TBC1D19: variants seen among roughly 807,000 people sequenced by gnomAD.
The protein encoded by TBC1D19 is TBC1 domain family, member 19.
Under a neutral mutation model 89.0 loss-of-function variants are expected in TBC1D19, and 60 were observed. The observed-to-expected ratio is 0.67, with a 90% CI of 0.55 to 0.84. TBC1D19 has a LOEUF of 0.84. Among genes scored for constraint, TBC1D19 ranks in the 40% least tolerant of loss-of-function variants. TBC1D19 has a pLI of 0.00. For missense variants in TBC1D19, 500 were observed against 610.8 expected (o/e 0.82, Z 1.91); for synonymous variants, 189 against 199.7 (o/e 0.95, Z 0.45).
chr4:26,680,782 T>C (rs1449517770), intron 11 of TBC1D19, among the ~76,000 whole-genome samples: 1 of 152,214 alleles, frequency 6.6e-6, no homozygotes, highest in African/African-American at 2.4e-5. Flanking sequence ...GTCTTAACTT[T>C]AGTTCACCCT....
intron 1 of TBC1D19, among the ~76,000 whole-genome samples, chr4:26,598,893 G>C (rs980663571): frequency 4.6e-5 from 7 of 151,496 alleles, no homozygotes; most frequent in African/African-American, 1.5e-4. Flanking sequence ...GAAAGAAATA[G>C]AATAGAAAGA....
chr4:26,820,911 A>T, the TBC1D19 span, among the ~76,000 whole-genome samples: 3 of 152,350 alleles, frequency 2.0e-5, no homozygotes, highest in South Asian at 4.1e-4. Flanking sequence ...TTGTTTTCAC[A>T]GCTGTCTTCT....
the TBC1D19 span, among the ~76,000 whole-genome samples, chr4:26,841,320 A>G: frequency 6.7e-6 from 1 of 149,726 alleles, no homozygotes; most frequent in African/African-American, 2.5e-5. Flanking sequence ...TGGGAGGTAG[A>G]GGTTGCAGTG....
chr4:26,764,379 A>G, the TBC1D19 span, among the ~76,000 whole-genome samples: 1 of 152,018 alleles, frequency 6.6e-6, no homozygotes, highest in Non-Finnish European at 1.5e-5. Flanking sequence ...ATCCCATGGT[A>G]TGGAATTGGG....
the TBC1D19 span, among the ~76,000 whole-genome samples, chr4:26,829,524 T>C: frequency 6.6e-6 from 1 of 152,152 alleles, no homozygotes; most frequent in Admixed American, 6.5e-5. Flanking sequence ...TCTTCAGTCT[T>C]GGGTAGGTGT....
the TBC1D19 span, among the ~76,000 whole-genome samples, chr4:26,829,168 G>A: frequency 6.6e-6 from 1 of 152,162 alleles, no homozygotes. Context: ...ATGAGCTCAT[G>A]GGAAGTTTAT....
At chr4:26,593,866 A>T (rs922885685) in intron 1 of TBC1D19, among the ~76,000 whole-genome samples, 1 of 152,234 alleles carries the variant, frequency 6.6e-6, no homozygotes, top group Non-Finnish European at 1.5e-5. Context: ...TTGTGGAGAA[A>T]TAGGAACACT....
intron 8 of TBC1D19, among the ~76,000 whole-genome samples, chr4:26,665,574 C>T (rs1352498459): frequency 6.6e-6 from 1 of 151,372 alleles, no homozygotes; most frequent in African/African-American, 2.4e-5. Flanking sequence ...CTGATTTATC[C>T]TTATTTTAGC....
chr4:26,587,682 G>C (rs566817384), intron 1 of TBC1D19, among the ~76,000 whole-genome samples: 121 of 150,872 alleles, frequency 8.0e-4, no homozygotes, highest in African/African-American at 2.8e-3. Flanking sequence ...AAGTTGGGAA[G>C]TGTTCCTTAT....
chr4:26,742,920 T>G (rs1578009835), intron 18 of TBC1D19, among the ~76,000 whole-genome samples: 1 of 152,116 alleles, frequency 6.6e-6, no homozygotes, highest in East Asian at 1.9e-4. Flanking sequence ...AAATACTACC[T>G]GAGAAACATG....
chr4:26,592,864 C>G (rs534612620), intron 1 of TBC1D19, among the ~76,000 whole-genome samples: 1 of 152,306 alleles, frequency 6.6e-6, no homozygotes, highest in African/African-American at 2.4e-5. Flanking sequence ...GAAGAACATT[C>G]CATGCTCATG....
the TBC1D19 span, among the ~76,000 whole-genome samples, chr4:26,831,196 G>A: frequency 3.9e-5 from 6 of 152,154 alleles, no homozygotes; most frequent in Non-Finnish European, 7.3e-5. Flanking sequence ...GTATACTTAT[G>A]AGGGAGATGA....
chr4:26,789,188 A>G, the TBC1D19 span, among the ~76,000 whole-genome samples: 5 of 152,240 alleles, frequency 3.3e-5, no homozygotes, highest in East Asian at 3.8e-4. Flanking sequence ...TGGTGTTCCC[A>G]TGTGTAATTG....
intron 1 of TBC1D19, among the ~76,000 whole-genome samples, chr4:26,603,760 T>C (rs892858892): frequency 2.0e-5 from 3 of 152,092 alleles, no homozygotes. Flanking sequence ...ATACAATGAG[T>C]TTTTTACTGT....
chr4:26,777,090 C>A, the TBC1D19 span, among the ~76,000 whole-genome samples: 1 of 150,928 alleles, frequency 6.6e-6, no homozygotes, highest in Non-Finnish European at 1.5e-5. Flanking sequence ...CTGGGACAGG[C>A]CACTTTATAT....
the TBC1D19 span, among the ~76,000 whole-genome samples, chr4:26,847,900 G>A: frequency 6.6e-6 from 1 of 152,204 alleles, no homozygotes; most frequent in Non-Finnish European, 1.5e-5. Flanking sequence ...CTAAGATGGG[G>A]ACTATCAGGA....
upstream of TBC1D19, among the ~76,000 whole-genome samples, chr4:26,581,420 C>T (rs189640515): frequency 1.3e-5 from 2 of 152,280 alleles, no homozygotes; most frequent in East Asian, 1.9e-4. Flanking sequence ...GTTCCCCTCC[C>T]TGTGTCCATG....
intron 3 of TBC1D19, among the ~76,000 whole-genome samples, chr4:26,615,121 C>G (rs1261540472): frequency 6.6e-6 from 1 of 151,898 alleles, no homozygotes. Context: ...TTTTTTATGT[C>G]TTTATAAACT....
chr4:26,585,998 C>T (rs1739389331), intron 1 of TBC1D19, among the ~76,000 whole-genome samples: 1 of 152,080 alleles, frequency 6.6e-6, no homozygotes, highest in Admixed American at 6.6e-5. Context: ...TTTTTGTTCC[C>T]TACCTAAAAG....
Sources: allele counts gnomAD v4.1 joint callset (sites outside exome capture counted in the v4.1 genomes callset), GRCh38; gene constraint gnomAD v4.1.1; transcripts MANE v1.5; gene names NCBI Gene and HGNC (gene_info 2026-07-23, HGNC 2026-07-21).